Variants in GABBR2 observed in about 807,000 individuals in gnomAD.
GABBR2 encodes the protein gamma-aminobutyric acid type B receptor subunit 2, also known as G-protein coupled receptor 51.
A neutral mutation model predicts 105.6 loss-of-function variants in GABBR2; 23 were observed. That is an observed-to-expected ratio of 0.22 (90% CI 0.16 to 0.31). The LOEUF (loss-of-function observed/expected upper bound fraction) is 0.31, where lower values mean the gene tolerates loss of function less well. GABBR2 is among the 10% of genes least tolerant of loss of function. The pLI is 1.00. For synonymous variants in GABBR2, 478 were observed against 499.7 expected, an observed-to-expected ratio of 0.96 and a Z score of 0.58; for missense variants, 734 against 1,245.5, an observed-to-expected ratio of 0.59 and a Z score of 6.18.
At chr9:98,670,264 T>A (rs1392493473) in intron 1 of GABBR2, among the ~76,000 whole-genome samples, 3 of 147,854 alleles carry the variant, frequency 2.0e-5, no homozygotes, top group African/African-American at 7.9e-5. Context: ...AACATTTTCG[T>A]CACCTCAAAA....
chr9:98,556,094 G>C (rs920525443), intron 2 of GABBR2, among the ~76,000 whole-genome samples: 1 of 152,166 alleles, frequency 6.6e-6, no homozygotes, highest in East Asian at 1.9e-4. Flanking sequence ...ACACAAAACA[G>C]AACAGAGGAG....
intron 3 of GABBR2, among the ~76,000 whole-genome samples, chr9:98,514,531 C>G (rs1431222189): frequency 6.6e-5 from 10 of 150,832 alleles, no homozygotes; most frequent in African/African-American, 2.0e-4. Flanking sequence ...CCACCATTCT[C>G]AGCAAACTAT....
intron 13 of GABBR2, among the ~76,000 whole-genome samples, chr9:98,338,728 T>C (rs10985905): frequency 0.048 from 7,369 of 152,266 alleles, 498 homozygotes; most frequent in East Asian, 0.28. Flanking sequence ...TTCCTAAAAA[T>C]GTTAACATGA....
intron 1 of GABBR2, among the ~76,000 whole-genome samples, chr9:98,658,365 C>T (rs1484225585): frequency 6.6e-6 from 1 of 151,560 alleles, no homozygotes; most frequent in Non-Finnish European, 1.5e-5. Context: ...TCCATGGGTA[C>T]AGCTTCAGTG....
chr9:98,390,978 A>T (rs979644725), intron 9 of GABBR2, among the ~76,000 whole-genome samples: 1 of 152,206 alleles, frequency 6.6e-6, no homozygotes, highest in Non-Finnish European at 1.5e-5. Context: ...TTGGTTTATC[A>T]TGAGTATTAG....
At chr9:98,471,516 A>C (rs1258025345) in intron 6 of GABBR2, among the ~76,000 whole-genome samples, 2 of 152,258 alleles carry the variant, frequency 1.3e-5, no homozygotes, top group Non-Finnish European at 2.9e-5. Context: ...ACTCTCGTGT[A>C]CTGCTCACAG....
rs150300036 is a variant in GABBR2 at position 98,355,350 on chromosome 9, A to G, written c.1893+7365T>C. On this transcript the variant is annotated intron_variant, in intron 13 of 18. Coordinates refer to ENST00000259455, the MANE Select transcript of GABBR2 (RefSeq NM_005458.8). ...AAAATGGTGCTTATAGATTTGCTCA[A>G]TGTAAGGTTGCCATAAATTTCAATT... is the stretch of plus-strand genomic sequence containing the variant. Among the ~76,000 whole-genome samples, 526 of 152,262 alleles carry G rather than the reference A, an allele frequency of 3.5e-3. 4 individuals are homozygous for G. Among genetic ancestry groups the G allele is most frequent in the African/African-American group, 0.012 (490 of 41,546 alleles).
chr9:98,426,604 C>T (rs1246804021), intron 7 of GABBR2, among the ~76,000 whole-genome samples: 1 of 152,236 alleles, frequency 6.6e-6, no homozygotes, highest in African/African-American at 2.4e-5. Flanking sequence ...AACTCCCCAA[C>T]TAGAAACCCA....
At chr9:98,608,015 G>A in intron 1 of GABBR2, 1 of 1,291,094 alleles carries the variant, frequency 7.7e-7, no homozygotes, top group Admixed American at 1.9e-5. Context: ...AACAATTAGA[G>A]GAAAAACGTC....
intron 1 of GABBR2, among the ~76,000 whole-genome samples, chr9:98,596,423 G>A (rs369839829): frequency 6.6e-6 from 1 of 152,168 alleles, no homozygotes; most frequent in African/African-American, 2.4e-5. Context: ...AGCCTTGGGG[G>A]TGGGGGCTCT....
At chr9:98,449,847 C>T (rs1262518973) in intron 7 of GABBR2, among the ~76,000 whole-genome samples, 1 of 152,114 alleles carries the variant, frequency 6.6e-6, no homozygotes, top group African/African-American at 2.4e-5. Flanking sequence ...GGCTGAACAT[C>T]AGAGAGATGT....
intron 11 of GABBR2, among the ~76,000 whole-genome samples, chr9:98,376,016 T>C (rs2131470049): frequency 6.6e-6 from 1 of 152,346 alleles, no homozygotes; most frequent in African/African-American, 2.4e-5. Context: ...ATCTTTCTTT[T>C]TCTCCCCTTA....
At chr9:98,393,057 TCCATCCATCC>T (rs1564048323) in intron 9 of GABBR2, among the ~76,000 whole-genome samples, 2 of 140,266 alleles carry the variant, frequency 1.4e-5, no homozygotes. Context: ...CATCCATCCA[TCCATCCATCC>T]ATCCACACAC....
At chr9:98,682,281 T>C (rs941284761) in intron 1 of GABBR2, among the ~76,000 whole-genome samples, 1 of 148,688 alleles carries the variant, frequency 6.7e-6, no homozygotes, top group Non-Finnish European at 1.5e-5. Context: ...AAACCGTATA[T>C]TGAAAAATAA....
intron 2 of GABBR2, among the ~76,000 whole-genome samples, chr9:98,558,513 G>A (rs1406881539): frequency 6.6e-6 from 1 of 152,204 alleles, no homozygotes; most frequent in African/African-American, 2.4e-5. Flanking sequence ...CAGAGGACCA[G>A]AAAGAAGGGA....
intron 3 of GABBR2, among the ~76,000 whole-genome samples, chr9:98,514,147 C>T (rs10156467): frequency 0.45 from 57,437 of 128,186 alleles, 18,271 homozygotes; most frequent in Middle Eastern, 0.63. Flanking sequence ...AGTAAACTAT[C>T]GCAAGAACAA....
At chr9:98,674,944 C>T (rs1012197590) in intron 1 of GABBR2, among the ~76,000 whole-genome samples, 9 of 152,130 alleles carry the variant, frequency 5.9e-5, no homozygotes, top group Admixed American at 5.2e-4. Flanking sequence ...TGGCAGGAGT[C>T]CCAAGGACTA....
At chr9:98,375,716 C>T (rs1380520735) in intron 11 of GABBR2, among the ~76,000 whole-genome samples, 1 of 151,812 alleles carries the variant, frequency 6.6e-6, no homozygotes, top group East Asian at 1.9e-4. Flanking sequence ...CCCATCACTC[C>T]ACATATTCAA....
chr9:98,675,204 G>A (rs1453794704), intron 1 of GABBR2, among the ~76,000 whole-genome samples: 1 of 152,186 alleles, frequency 6.6e-6, no homozygotes, highest in African/African-American at 2.4e-5. Context: ...GGAACCAAGT[G>A]GTGACTTCCC....
Sources: gnomAD v4.1 joint callset for allele counts (sites outside exome capture counted in the v4.1 genomes callset) on GRCh38, gnomAD v4.1.1 for gene constraint, MANE v1.5 for transcripts, NCBI Gene and HGNC (gene_info 2026-07-23, HGNC 2026-07-21) for gene names.